The following CAMK4 variants were observed in gnomAD, a reference collection of about 807,000 sequenced individuals.
CAMK4 encodes the protein calcium/calmodulin dependent protein kinase IV.
In CAMK4, 22 loss-of-function variants were observed where a neutral mutation model predicts 44.9. That is an observed-to-expected ratio of 0.49 (90% CI 0.35 to 0.70). The LOEUF (loss-of-function observed/expected upper bound fraction) is 0.70. Among genes scored for constraint, CAMK4 ranks in the 30% least tolerant of loss-of-function variants. The probability of loss-of-function intolerance (pLI) is 0.01; values close to 1 mark genes in which losing one functional copy is unlikely to be tolerated. For synonymous variants in CAMK4, 218 were observed against 215.4 expected, an observed-to-expected ratio of 1.01 and a Z score of -0.11; for missense variants, 498 against 586.8, an observed-to-expected ratio of 0.85 and a Z score of 1.56.
chr5:111,263,665 C>T (rs543402574), intron 1 of CAMK4, among the ~76,000 whole-genome samples: 1 of 152,204 alleles, frequency 6.6e-6, no homozygotes, highest in East Asian at 1.9e-4. Flanking sequence ...TAAACCAGTC[C>T]AAATTGTTCT....
At chr5:111,315,762 A>G (rs541161717) in intron 1 of CAMK4, among the ~76,000 whole-genome samples, 65 of 152,242 alleles carry the variant, frequency 4.3e-4, no homozygotes, top group Non-Finnish European at 8.1e-4. Flanking sequence ...AAATTCTGCC[A>G]TGTTTTTTTG....
At chr5:111,371,556 G>C (rs1010647422) in intron 2 of CAMK4, among the ~76,000 whole-genome samples, 1 of 152,010 alleles carries the variant, frequency 6.6e-6, no homozygotes, top group Non-Finnish European at 1.5e-5. Context: ...ATTTAACATG[G>C]GGCTGAGTGC....
Position 111,224,737 on chromosome 5 carries a change from T to A in CAMK4, c.161+93T>A, listed in dbSNP as rs1032556782. ...GCTCGGAGGGTGCGGGAGCCTGCCTTCGTGCCCTTCGATTTCTCCCTACCT... is the reference window on the plus strand; with the variant it reads ...GCTCGGAGGGTGCGGGAGCCTGCCTACGTGCCCTTCGATTTCTCCCTACCT... On this transcript the variant is annotated intron_variant, in intron 1 of 10. Coordinates refer to ENST00000282356, the MANE Select transcript of CAMK4 (RefSeq NM_001744.6). This position sits in a 1 kb window ranked among gnomAD's most constrained non-coding sequence, Gnocchi z 5.7. 3 of 1,228,454 alleles carry A rather than the reference T, an allele frequency of 2.4e-6. No homozygotes were observed. The highest frequency in any genetic ancestry group is 3.4e-6 in the Non-Finnish European group (3 of 885,652). The allele number at this position is 1,228,454 out of a possible 1,614,324, so 76.1% of individuals were successfully genotyped here.
intron 1 of CAMK4, among the ~76,000 whole-genome samples, chr5:111,263,343 A>T (rs886494538): frequency 6.6e-6 from 1 of 152,226 alleles, no homozygotes; most frequent in Non-Finnish European, 1.5e-5. Context: ...TGAAGGAAAG[A>T]TAGGAATTGG....
chr5:111,330,096 CT>C (rs1481137839), intron 1 of CAMK4, among the ~76,000 whole-genome samples: 21 of 137,672 alleles, frequency 1.5e-4, no homozygotes, highest in South Asian at 5.1e-4. Context: ...CCCACCACCC[CT>C]ACAAAAAAAC....
At chr5:111,370,785 C>T (rs551284648) in intron 2 of CAMK4, among the ~76,000 whole-genome samples, 11 of 152,190 alleles carry the variant, frequency 7.2e-5, no homozygotes, top group African/African-American at 2.4e-4. Context: ...TGTGGTGGCG[C>T]ACACCTGTAG....
At chr5:111,259,654 A>G (rs371318402) in intron 1 of CAMK4, among the ~76,000 whole-genome samples, 3 of 152,128 alleles carry the variant, frequency 2.0e-5, no homozygotes, top group South Asian at 4.1e-4. Flanking sequence ...AAAAATGCCA[A>G]ACTTATATGT....
intron 1 of CAMK4, among the ~76,000 whole-genome samples, chr5:111,326,869 G>T (rs1223382525): frequency 6.6e-6 from 1 of 151,858 alleles, no homozygotes; most frequent in East Asian, 1.9e-4. Context: ...ATAGGGTTGT[G>T]CATGGACCAA....
intron 4 of CAMK4, among the ~76,000 whole-genome samples, chr5:111,381,947 T>C (rs1378928196): frequency 9.4e-6 from 1 of 106,862 alleles, no homozygotes; most frequent in East Asian, 2.9e-4. Context: ...AGTAATGATC[T>C]TCCCAGTCGA....
chr5:111,449,220 T>C lies in CAMK4; in HGVS notation c.625+17T>C, dbSNP rs553300804. ...GGTACTGCGGTATGCTCTTTAATAA[T>C]TATATTTTACTTTTATTGTTATTTG... On this transcript the variant is annotated intron_variant, in intron 7 of 10. Transcript: ENST00000282356. The C allele has an allele frequency of 4.2e-6, 5 of 1,185,102 alleles. No homozygotes were observed. The highest frequency in any genetic ancestry group is 6.0e-6 in the Non-Finnish European group (5 of 828,080). 73.4% of individuals were successfully genotyped at this position (1,185,102 alleles called of 1,614,324 possible). A position where few individuals can be genotyped will look rare whatever the true frequency, so the allele number is the denominator to read the frequency against.
rs1283660821 is a variant in CAMK4 at position 111,234,808 on chromosome 5, A to AAAAAG, written c.161+10166_161+10170dup. Among the ~76,000 whole-genome samples the AAAAAG allele has an allele frequency of 3.3e-5, 5 of 152,220 alleles. No homozygotes were observed. In the South Asian group the frequency reaches 8.3e-4, roughly 25 times the overall value. The stretch of plus-strand genomic sequence containing the variant: ...ACCATCTGATTGGAATAGTCTCTGA[A>AAAAAG]AAAAGATAATGGATAGGACACGTTC... On this transcript the variant is annotated intron_variant, in intron 1 of 10. Coordinates refer to ENST00000282356, the MANE Select transcript of CAMK4 (RefSeq NM_001744.6).
At chr5:111,269,935 C>T (rs954817538) in intron 1 of CAMK4, 1 of 152,228 alleles carries the variant, frequency 6.6e-6, no homozygotes, top group African/African-American at 2.4e-5. Context: ...ATGTCATGCT[C>T]CTCCCAACAG....
chr5:111,296,541 A>G (rs1394308239), intron 1 of CAMK4, among the ~76,000 whole-genome samples: 1 of 152,216 alleles, frequency 6.6e-6, no homozygotes, highest in Admixed American at 6.5e-5. Context: ...TTTGCATTCT[A>G]TGATTGTTTT....
rs375070790 is a variant in CAMK4 at position 111,440,692 on chromosome 5, A to G, written c.460-5994A>G. On this transcript the variant is annotated intron_variant, in intron 5 of 10. Coordinates refer to ENST00000282356, the MANE Select transcript of CAMK4 (RefSeq NM_001744.6). ...GCCAGGTAGAGGAAGGAAGAGGTAA[A>G]CATATCCAAACTCAGCTATTTACTG... Among the ~76,000 whole-genome samples, 4 of 152,350 alleles carry G rather than the reference A, an allele frequency of 2.6e-5. No homozygotes were observed. In the East Asian group the frequency reaches 7.7e-4, roughly 29 times the overall value.
rs1445033322 is a variant in CAMK4, at chr5:111,328,910, G to T, written c.162-15114G>T. ...CGCTTATCAGCTTGAGGAGATTTTG[G>T]GCTGAGACGATGGGGTTTTGTAGAT... is the stretch of plus-strand genomic sequence containing the variant. On this transcript the variant is annotated intron_variant, in intron 1 of 10. Transcript: ENST00000282356. 3.3e-5 allele frequency among the ~76,000 whole-genome samples: 5 copies of T among 151,838 alleles called. No individual in the cohort carries two copies. In the East Asian group the frequency reaches 7.7e-4, roughly 24 times the overall value.
intron 2 of CAMK4, among the ~76,000 whole-genome samples, chr5:111,364,626 TTTCTGGGTTAAGC>T (rs1271785723): frequency 1.3e-5 from 2 of 152,092 alleles, no homozygotes; most frequent in Non-Finnish European, 1.5e-5. Flanking sequence ...TAGAAGTGTC[TTTCTGGGTTAAGC>T]TTCCCAGAGG....
intron 1 of CAMK4, among the ~76,000 whole-genome samples, chr5:111,260,882 T>A (rs1381859747): frequency 6.6e-6 from 1 of 152,198 alleles, no homozygotes; most frequent in Non-Finnish European, 1.5e-5. Context: ...CTCCTTAACA[T>A]TCATCCTCCT....
In CAMK4 at chr5:111,273,492, G is replaced by T. The variant is rs369652525; in HGVS notation, c.161+48848G>T. Among the ~76,000 whole-genome samples the T allele has an allele frequency of 6.0e-5, 9 of 150,936 alleles. No individual in the cohort carries two copies. In the East Asian group the frequency reaches 1.8e-3, roughly 29 times the overall value. On this transcript the variant is annotated intron_variant, in intron 1 of 10. Transcript: ENST00000282356. ...CAAAAGTTGCTGGATGGTTAAAGAT[G>T]ATCTTTATTTTTTAGTCTAATTTTT...
At chr5:111,340,498 G>A in intron 1 of CAMK4, among the ~76,000 whole-genome samples, 1 of 151,054 alleles carries the variant, frequency 6.6e-6, no homozygotes, top group East Asian at 1.9e-4. Flanking sequence ...CTTTCATTTT[G>A]TTAGTGTGGT....
Sources: allele counts gnomAD v4.1 joint callset (sites outside exome capture counted in the v4.1 genomes callset), GRCh38; gene constraint gnomAD v4.1.1; non-coding constraint Gnocchi (gnomAD v3.1); transcripts MANE v1.5; gene names NCBI Gene and HGNC (gene_info 2026-07-23, HGNC 2026-07-21).